Variants in ROBO2 observed in about 807,000 individuals in gnomAD.
The protein encoded by ROBO2 is roundabout homolog 2.
ROBO2 carries 53 observed loss-of-function variants against 160.8 expected under a neutral mutation model. The observed-to-expected ratio is 0.33, with a 90% CI of 0.26 to 0.41. The LOEUF is 0.41. Among genes scored for constraint, ROBO2 ranks in the 10% least tolerant of loss-of-function variants. The pLI, the probability that ROBO2 is intolerant of heterozygous loss-of-function variation, is 1.00. For missense variants in ROBO2, 1,577 were observed against 1,722.4 expected (o/e 0.92, Z 1.49); for synonymous variants, 664 against 611.7 (o/e 1.09, Z -1.26).
chr3:76,278,262 T>G (rs1195838577), intron 2 of ROBO2, among the ~76,000 whole-genome samples: 2 of 151,986 alleles, frequency 1.3e-5, no homozygotes, highest in African/African-American at 4.8e-5. Context: ...TCCAAAAGTT[T>G]GTCACTAATA....
At chr3:77,640,097 ATTTTTTTTTTTTTTTTTTT>A (rs71104695) in intron 24 of ROBO2, among the ~76,000 whole-genome samples, 1 of 65,440 alleles carries the variant, frequency 1.5e-5, no homozygotes, top group Admixed American at 2.5e-4. Flanking sequence ...CAGAGGAAGC[ATTTTTTTTTTTTTTTTTTT>A]TTTTTTTTTT....
intron 2 of ROBO2, among the ~76,000 whole-genome samples, chr3:76,459,655 A>T (rs2077976777): frequency 6.6e-6 from 1 of 152,276 alleles, no homozygotes; most frequent in Middle Eastern, 3.4e-3. Context: ...AATTTTCTAT[A>T]AAAGTTCATT....
chr3:77,212,420 G>A (rs2084300672), intron 2 of ROBO2, among the ~76,000 whole-genome samples: 1 of 152,154 alleles, frequency 6.6e-6, no homozygotes, highest in Admixed American at 6.5e-5. Context: ...TTTGGACATT[G>A]ATTTTGTATC....
At chr3:77,630,506 T>G (rs1167350073) in intron 23 of ROBO2, 7 of 131,216 alleles carry the variant, frequency 5.3e-5, no homozygotes, top group African/African-American at 2.0e-4. Flanking sequence ...CCCCACAAAG[T>G]CCCCCCCTTG....
At position 76,984,063 on chromosome 3, in the gene ROBO2, TATC is replaced by T. The variant is rs745595851; in HGVS notation, c.110-113948_110-113946del. On this transcript the variant is annotated intron_variant, in intron 2 of 26. Coordinates refer to the ROBO2 transcript ENST00000487694. ...GCCAGAGGCTTATAAAACCATCAGA[TATC>T]ATGAGACTCACTCACCATCACAAGA... 1.2e-4 allele frequency among the ~76,000 whole-genome samples: 18 copies of T among 152,106 alleles called. No individual in the cohort carries two copies. In the East Asian group the frequency reaches 2.9e-3, roughly 25 times the overall value.
chr3:77,329,677 T>C (rs1458049936), intron 2 of ROBO2, among the ~76,000 whole-genome samples: 1 of 152,222 alleles, frequency 6.6e-6, no homozygotes, highest in Non-Finnish European at 1.5e-5. Flanking sequence ...TGCCTCACAT[T>C]GGGTCTATAC....
At chr3:77,331,332 G>C (rs1029484088) in intron 2 of ROBO2, among the ~76,000 whole-genome samples, 2 of 152,172 alleles carry the variant, frequency 1.3e-5, no homozygotes, top group African/African-American at 4.8e-5. Flanking sequence ...TAGTGCCTTA[G>C]GGAGACTGTT....
At chr3:77,011,086 TTTTTCTTTCTATCTTTC>T (rs1452419367) in intron 2 of ROBO2, among the ~76,000 whole-genome samples, 4 of 79,130 alleles carry the variant, frequency 5.1e-5, no homozygotes, top group African/African-American at 7.9e-5. Flanking sequence ...TCTTTCTTTC[TTTTTCTTTCTATCTTTC>T]TTCTTTCTTT....
At chr3:77,512,982 T>A (rs1475822390) in intron 5 of ROBO2, among the ~76,000 whole-genome samples, 2 of 151,848 alleles carry the variant, frequency 1.3e-5, no homozygotes, top group African/African-American at 4.8e-5. Flanking sequence ...AATCTTATAA[T>A]AAGAAGTAGT....
intron 2 of ROBO2, among the ~76,000 whole-genome samples, chr3:76,477,191 A>G (rs1352591920): frequency 1.3e-5 from 2 of 152,156 alleles, no homozygotes; most frequent in Admixed American, 6.6e-5. Flanking sequence ...TGCTGATCCT[A>G]TATCATAACT....
chr3:76,804,010 T>G (rs2064463381), intron 2 of ROBO2, among the ~76,000 whole-genome samples: 1 of 152,224 alleles, frequency 6.6e-6, no homozygotes, highest in African/African-American at 2.4e-5. Context: ...CTAATATTTA[T>G]GAGCTGCATT....
intron 2 of ROBO2, among the ~76,000 whole-genome samples, chr3:77,298,738 C>T (rs2062377729): frequency 1.3e-5 from 2 of 152,162 alleles, no homozygotes; most frequent in Admixed American, 1.3e-4. Context: ...TTCTCTGTTA[C>T]AGACAAATTT....
chr3:76,192,813 A>G (rs552329501), intron 2 of ROBO2, among the ~76,000 whole-genome samples: 12 of 152,092 alleles, frequency 7.9e-5, no homozygotes, highest in African/African-American at 2.9e-4. Context: ...TCATCTCTCT[A>G]CAGCTTTACT....
chr3:76,336,208 T>C (rs2073880997), intron 2 of ROBO2, among the ~76,000 whole-genome samples: 1 of 149,266 alleles, frequency 6.7e-6, no homozygotes, highest in Non-Finnish European at 1.5e-5. Context: ...TAACTTGAGA[T>C]CACTGTATGT....
intron 2 of ROBO2, among the ~76,000 whole-genome samples, chr3:77,395,792 T>C (rs932721569): frequency 1.3e-5 from 2 of 152,128 alleles, no homozygotes; most frequent in African/African-American, 4.8e-5. Context: ...CATTGCTCTT[T>C]ATTTAAATGT....
At chr3:76,098,656 T>C (rs1013724182) in intron 2 of ROBO2, among the ~76,000 whole-genome samples, 1 of 152,126 alleles carries the variant, frequency 6.6e-6, no homozygotes, top group African/African-American at 2.4e-5. Context: ...TTAAGACATA[T>C]AATCTAAATA....
intron 2 of ROBO2, among the ~76,000 whole-genome samples, chr3:76,447,495 G>A (rs944823177): frequency 6.8e-6 from 1 of 147,690 alleles, no homozygotes; most frequent in Non-Finnish European, 1.5e-5. Flanking sequence ...GATTCCTCAG[G>A]GATCTAGAAC....
At chr3:76,691,690 G>T (rs2092806330) in intron 2 of ROBO2, among the ~76,000 whole-genome samples, 1 of 152,062 alleles carries the variant, frequency 6.6e-6, no homozygotes, top group Non-Finnish European at 1.5e-5. Flanking sequence ...AATGTTTTTG[G>T]AGATCATGAG....
chr3:76,087,040 G>A (rs2069042073), intron 2 of ROBO2, among the ~76,000 whole-genome samples: 1 of 151,798 alleles, frequency 6.6e-6, no homozygotes. Context: ...CAAGAAATGT[G>A]AAACAACTAA....
Sources: allele counts gnomAD v4.1 joint callset (sites outside exome capture counted in the v4.1 genomes callset), GRCh38; gene constraint gnomAD v4.1.1; transcripts MANE v1.5; gene names NCBI Gene and HGNC (gene_info 2026-07-23, HGNC 2026-07-21).